UBN2: variants seen among roughly 807,000 people sequenced by gnomAD.
UBN2 encodes ubinuclein 2, also known as ubinuclein-2.
A neutral mutation model predicts 120.2 loss-of-function variants in UBN2; 35 were observed. The ratio of observed to expected loss-of-function variants is 0.29; its 90% CI spans 0.22 to 0.39. The LOEUF (loss-of-function observed/expected upper bound fraction) is 0.39, where lower values mean the gene tolerates loss of function less well. Ranked by LOEUF, UBN2 falls within the 10% of genes least tolerant of loss-of-function variation. The pLI, the probability that UBN2 is intolerant of heterozygous loss-of-function variation, is 1.00. For synonymous variants in UBN2, 661 were observed against 648.7 expected, an observed-to-expected ratio of 1.02 and a Z score of -0.29; for missense variants, 1,693 against 1,663.2, an observed-to-expected ratio of 1.02 and a Z score of -0.31.
chr7:139,265,217 C>T (rs555282596), intron 6 of UBN2, among the ~76,000 whole-genome samples: 176 of 152,122 alleles, frequency 1.2e-3, no homozygotes, highest in Non-Finnish European at 1.9e-3. Context: ...AAATATTGGC[C>T]GGGCGCAGTG....
chr7:139,251,657 T>TA (rs952426687), intron 2 of UBN2, among the ~76,000 whole-genome samples: 7 of 152,244 alleles, frequency 4.6e-5, no homozygotes, highest in African/African-American at 1.7e-4. Context: ...GTGCAGTTTT[T>TA]ATCACAGATC....
rs1357522844 is a variant in UBN2, at chr7:139,266,395, T to G, written c.1458T>G (p.Ile486Met). ...TCTTTACACAGGATATGAATAATATTCTTCTGGAGTAAGTAATTTTCTTTA... is the reference window on the plus strand; with the variant it reads ...TCTTTACACAGGATATGAATAATATGCTTCTGGAGTAAGTAATTTTCTTTA... ...KKFFTQDMNN[I>M]LLDIELQLQE... Residue 486 changes from isoleucine to methionine, a missense_variant, in exon 7 of 18, where the codon ATT becomes ATG. Physicochemically the swap from Ile to Met is conservative, Grantham distance 10. Transcript: ENST00000473989. 6.6e-7 allele frequency: 1 copy of G among 1,513,588 alleles called. No individual in the cohort carries two copies. The highest frequency in any genetic ancestry group is 1.4e-5 in the African/African-American group (1 of 71,200). 93.8% of individuals were successfully genotyped at this position (1,513,588 alleles called of 1,614,324 possible). A position where few individuals can be genotyped will look rare whatever the true frequency, so the allele number is the denominator to read the frequency against.
chr7:139,289,222 A>T (rs942548618), intron 15 of UBN2, among the ~76,000 whole-genome samples: 5 of 152,078 alleles, frequency 3.3e-5, no homozygotes, highest in Non-Finnish European at 7.4e-5. Context: ...ATCTTTTAGG[A>T]TAGAGAGATT....
chr7:139,325,424 C>A, the UBN2 span, among the ~76,000 whole-genome samples: 1 of 151,822 alleles, frequency 6.6e-6, no homozygotes, highest in South Asian at 2.1e-4. Flanking sequence ...CCCACTACCA[C>A]GCTCAGCTAA....
downstream of UBN2, among the ~76,000 whole-genome samples, chr7:139,312,895 C>T (rs1237367676): frequency 6.6e-6 from 1 of 152,176 alleles, no homozygotes; most frequent in Non-Finnish European, 1.5e-5. Context: ...TACCACCTAA[C>T]AGATCAATAT....
chr7:139,234,220 T>G (rs914226628), intron 1 of UBN2, among the ~76,000 whole-genome samples: 1 of 152,130 alleles, frequency 6.6e-6, no homozygotes, highest in African/African-American at 2.4e-5. Context: ...GGGCTCCACA[T>G]TTTTGAAATA....
At chr7:139,280,935 T>G (rs538937514) in intron 13 of UBN2, among the ~76,000 whole-genome samples, 31 of 152,362 alleles carry the variant, frequency 2.0e-4, no homozygotes, top group African/African-American at 7.5e-4. Context: ...TGCGCCACTA[T>G]GCCCAGCCAG....
At chr7:139,247,844 T>G (rs186408446) in intron 2 of UBN2, among the ~76,000 whole-genome samples, 1 of 152,328 alleles carries the variant, frequency 6.6e-6, no homozygotes, top group East Asian at 1.9e-4. Flanking sequence ...TGCCTTCCAC[T>G]TGTCCTTGTC....
the UBN2 span, among the ~76,000 whole-genome samples, chr7:139,314,130 G>C: frequency 6.6e-6 from 1 of 150,852 alleles, no homozygotes; most frequent in Non-Finnish European, 1.5e-5. Flanking sequence ...TTACAGGCGT[G>C]AGTCACCGCA....
At chr7:139,327,354 T>C in the UBN2 span, among the ~76,000 whole-genome samples, 4 of 152,252 alleles carry the variant, frequency 2.6e-5, no homozygotes, top group African/African-American at 9.6e-5. Flanking sequence ...TTTTATTATT[T>C]ACTCTGTGTA....
At chr7:139,236,383 G>T (rs1319126863) in intron 1 of UBN2, among the ~76,000 whole-genome samples, 1 of 152,212 alleles carries the variant, frequency 6.6e-6, no homozygotes, top group Non-Finnish European at 1.5e-5. Flanking sequence ...AATGGTTGTT[G>T]ATATTGGACC....
the UBN2 span, among the ~76,000 whole-genome samples, chr7:139,317,361 G>C: frequency 1.3e-5 from 2 of 151,780 alleles, no homozygotes; most frequent in Non-Finnish European, 2.9e-5. Context: ...TTTAGAGACA[G>C]GGTCTCACAA....
intron 16 of UBN2, 115 bp downstream of exon 16, chr7:139,293,578 T>C: frequency 2.1e-6 from 2 of 949,202 alleles, no homozygotes; most frequent in Non-Finnish European, 3.1e-6. Context: ...TATAGTTTTT[T>C]TTTTTTTTTT....
the UBN2 span, among the ~76,000 whole-genome samples, chr7:139,324,534 A>T: frequency 5.0e-5 from 7 of 139,730 alleles, no homozygotes; most frequent in Admixed American, 5.1e-4. Context: ...CCAGCCTGGG[A>T]GACAGAGGGA....
intron 2 of UBN2, among the ~76,000 whole-genome samples, chr7:139,250,215 T>C (rs1418835365): frequency 6.6e-6 from 1 of 152,118 alleles, no homozygotes; most frequent in Non-Finnish European, 1.5e-5. Flanking sequence ...TAGTCTGGGC[T>C]ACAGAGCCAG....
chr7:139,284,090 A>C lies in UBN2; in HGVS notation c.3185A>C (p.Lys1062Thr), dbSNP rs201276230. The C allele has an allele frequency of 6.2e-7, 1 of 1,613,834 alleles. No homozygotes were observed. The highest frequency in any genetic ancestry group is 1.3e-5 in the African/African-American group (1 of 74,834). ...LPSPKPSASP[K>T]PSLSAKPSVS... ...TCGCCTAAGCCTTCTGCCTCACCCAAGCCCTCTCTGTCAGCTAAGCCTTCA... is the reference window on the plus strand; with the variant it reads ...TCGCCTAAGCCTTCTGCCTCACCCACGCCCTCTCTGTCAGCTAAGCCTTCA... Residue 1062 changes from lysine to threonine, a missense_variant, in exon 15 of 18, where the codon AAG (lysine) becomes ACG (threonine). Physicochemically the swap from Lys to Thr is moderately conservative, Grantham distance 78 (BLOSUM62 -1). This residue lies in a region of UBN2 where 837 missense variants were observed against 817.6 expected (regional missense o/e 1.02). Transcript: ENST00000473989.
chr7:139,247,857 G>T (rs753316324), intron 2 of UBN2, among the ~76,000 whole-genome samples: 5 of 151,964 alleles, frequency 3.3e-5, no homozygotes, highest in Admixed American at 6.6e-5. Flanking sequence ...TCCTTGTCTG[G>T]GTATGAATAT....
At chr7:139,288,865 G>A (rs1313127341) in intron 15 of UBN2, among the ~76,000 whole-genome samples, 1 of 151,970 alleles carries the variant, frequency 6.6e-6, no homozygotes, top group Admixed American at 6.6e-5. Flanking sequence ...AGCTGGGTAT[G>A]GTGGCACGTG....
chr7:139,245,636 C>G (rs1415788404), intron 2 of UBN2, among the ~76,000 whole-genome samples: 1 of 152,094 alleles, frequency 6.6e-6, no homozygotes, highest in Non-Finnish European at 1.5e-5. Context: ...GTTTAGTTTT[C>G]CCAGGTAAAT....
Sources: gnomAD v4.1 joint callset for allele counts (sites outside exome capture counted in the v4.1 genomes callset) on GRCh38, gnomAD v4.1.1 for gene constraint, gnomAD v4.1.1 regional missense constraint, MANE v1.5 for transcripts, NCBI Gene and HGNC (gene_info 2026-07-23, HGNC 2026-07-21) for gene names.